The following VWA8 variants were observed in gnomAD, a reference collection of about 807,000 sequenced individuals.
VWA8 encodes the protein von Willebrand factor A domain-containing protein 8.
VWA8 carries 221 observed loss-of-function variants against 241.5 expected under a neutral mutation model. That is an observed-to-expected ratio of 0.91 (90% confidence interval 0.82 to 1.02). The LOEUF is 1.02. Among genes scored for constraint, VWA8 ranks in the 50% least tolerant of loss-of-function variants. The pLI is 0.00. For synonymous variants in VWA8, 852 were observed against 827.1 expected (o/e 1.03, Z -0.52); for missense variants, 2,322 against 2,328.7 (o/e 1.00, Z 0.06).
intron 24 of VWA8, among the ~76,000 whole-genome samples, chr13:41,726,953 C>G (rs2045440299): frequency 6.6e-6 from 1 of 152,052 alleles, no homozygotes; most frequent in Non-Finnish European, 1.5e-5. Flanking sequence ...CGAGATCATG[C>G]CACTGCACTC....
intron 37 of VWA8, among the ~76,000 whole-genome samples, chr13:41,658,567 A>C (rs2044925357): frequency 6.6e-6 from 1 of 152,210 alleles, no homozygotes; most frequent in Non-Finnish European, 1.5e-5. Context: ...TGGTTCCTTC[A>C]GTGATCTGCC....
chr13:41,659,571 G>A (rs761771309), intron 37 of VWA8, among the ~76,000 whole-genome samples: 1 of 152,142 alleles, frequency 6.6e-6, no homozygotes, highest in Non-Finnish European at 1.5e-5. Flanking sequence ...CACAACTGGA[G>A]TAACTCCCAG....
chr13:41,739,855 T>TG (rs765151092), intron 21 of VWA8, among the ~76,000 whole-genome samples: 4 of 59,714 alleles, frequency 6.7e-5, no homozygotes, highest in Admixed American at 1.7e-4. Context: ...TTTGTTTTTT[T>TG]TGTTTTTTTT....
chr13:41,714,820 T>C (rs1314107306), intron 26 of VWA8, among the ~76,000 whole-genome samples: 2 of 151,928 alleles, frequency 1.3e-5, no homozygotes, highest in Non-Finnish European at 2.9e-5. Flanking sequence ...TATAATTCCT[T>C]GAAGAATAAG....
intron 2 of VWA8, chr13:41,925,959 AATG>A (rs951445277): frequency 1.8e-4 from 70 of 382,450 alleles, no homozygotes; most frequent in African/African-American, 1.4e-3. Context: ...GGGTCACCTG[AATG>A]ATGTCACCTT....
intron 2 of VWA8, among the ~76,000 whole-genome samples, chr13:41,913,406 C>T (rs1426396313): frequency 6.6e-6 from 1 of 152,138 alleles, no homozygotes; most frequent in Non-Finnish European, 1.5e-5. Context: ...TTTATACAGA[C>T]AGACACAGAC....
chr13:41,795,488 T>C (rs1377061898), intron 17 of VWA8, among the ~76,000 whole-genome samples: 1 of 152,144 alleles, frequency 6.6e-6, no homozygotes, highest in African/African-American at 2.4e-5. Flanking sequence ...TATAAAGTTA[T>C]ATGCATGCTT....
chr13:41,650,517 G>A (rs1008850306), intron 37 of VWA8, among the ~76,000 whole-genome samples: 1 of 152,182 alleles, frequency 6.6e-6, no homozygotes, highest in African/African-American at 2.4e-5. Flanking sequence ...AGATACAAAA[G>A]GCTCAGCCTG....
chr13:41,697,758 G>A (rs996089368), intron 29 of VWA8, among the ~76,000 whole-genome samples: 1 of 152,142 alleles, frequency 6.6e-6, no homozygotes, highest in Non-Finnish European at 1.5e-5. Flanking sequence ...GTTCCTAACA[G>A]GCCAGGAGCC....
At chr13:41,960,212 G>A (rs549124220) in intron 1 of VWA8, among the ~76,000 whole-genome samples, 2 of 152,322 alleles carry the variant, frequency 1.3e-5, no homozygotes, top group African/African-American at 4.8e-5. Flanking sequence ...TTAGTTGTGT[G>A]TTCTCCAGCG....
At chr13:41,583,086 C>T (rs1362817279) in intron 42 of VWA8, among the ~76,000 whole-genome samples, 1 of 152,140 alleles carries the variant, frequency 6.6e-6, no homozygotes, top group Non-Finnish European at 1.5e-5. Context: ...CAAGGGACAA[C>T]TGTAATTATA....
Position 41,891,556 on chromosome 13 carries a change from G to C in VWA8, c.515C>G (p.Thr172Ser), listed in dbSNP as rs542089572. ...CTTTTCCAAACCTTCCAAAATGAGA[G>C]TTCTGCCTTCTGTGGCTGCACGAAC... ...CAVRAATEGR[T>S]LILEGLEKAE... Residue 172 changes from threonine (T) to serine (S), a missense_variant, in exon 5 of 45, where the codon ACT becomes AGT. Physicochemically the swap from Thr to Ser is moderately conservative, Grantham distance 58. Transcript: ENST00000379310. 52 of 1,614,150 alleles carry C rather than the reference G, an allele frequency of 3.2e-5. No individual in the cohort carries two copies. The South Asian group carries it at 5.3e-4, about 16-fold the overall frequency.
Position 41,868,588 on chromosome 13 carries a change from T to C in VWA8, c.1081-111A>G. The C allele has an allele frequency of 2.3e-6, 3 of 1,327,216 alleles. No homozygotes were observed. The South Asian group carries it at 4.6e-5, about 20-fold the overall frequency. 82.2% of individuals were successfully genotyped at this position (1,327,216 alleles called of 1,614,324 possible). A position where few individuals can be genotyped will look rare whatever the true frequency, so the allele number is the denominator to read the frequency against. On this transcript the variant is annotated intron_variant, in intron 9 of 44. Transcript: ENST00000379310. ...GTGAAATCCATTTTATATTATTATA[T>C]AAAAGTAGAGGTTAGGCCAAGGGCG...
At chr13:41,657,288 G>T (rs1304046611) in intron 37 of VWA8, among the ~76,000 whole-genome samples, 3 of 151,638 alleles carry the variant, frequency 2.0e-5, no homozygotes, top group Admixed American at 2.0e-4. Flanking sequence ...GCCATGTGTT[G>T]AGCGCCAGGC....
At chr13:41,806,237 TAAAAG>T (rs1004545611) in intron 17 of VWA8, among the ~76,000 whole-genome samples, 15 of 151,564 alleles carry the variant, frequency 9.9e-5, no homozygotes, top group African/African-American at 2.2e-4. Flanking sequence ...AACAGTATAA[TAAAAG>T]AAAAGTCTAT....
intron 20 of VWA8, among the ~76,000 whole-genome samples, chr13:41,768,266 T>C (rs2045793081): frequency 6.6e-6 from 1 of 152,218 alleles, no homozygotes; most frequent in South Asian, 2.1e-4. Flanking sequence ...AATTATGCTG[T>C]CATAGCAACA....
chr13:41,664,144 T>C (rs999787074), intron 37 of VWA8, among the ~76,000 whole-genome samples: 1 of 151,946 alleles, frequency 6.6e-6, no homozygotes, highest in Non-Finnish European at 1.5e-5. Flanking sequence ...GTTTTTGAGA[T>C]TTGCACATTT....
intron 2 of VWA8, among the ~76,000 whole-genome samples, chr13:41,920,251 T>C (rs1457298240): frequency 1.3e-5 from 2 of 152,094 alleles, no homozygotes; most frequent in African/African-American, 4.8e-5. Flanking sequence ...CTGTGCCCTA[T>C]TCCCTGGGGC....
chr13:41,889,432 G>A (rs1874714185), intron 5 of VWA8, among the ~76,000 whole-genome samples: 1 of 150,992 alleles, frequency 6.6e-6, no homozygotes, highest in South Asian at 2.1e-4. Flanking sequence ...AGGCTGGAGT[G>A]CAGTGGTGCA....
Sources: allele counts gnomAD v4.1 joint callset (sites outside exome capture counted in the v4.1 genomes callset), GRCh38; gene constraint gnomAD v4.1.1; transcripts MANE v1.5; gene names NCBI Gene and HGNC (gene_info 2026-07-23, HGNC 2026-07-21).